Variants in CBFA2T2 observed in about 807,000 individuals in gnomAD.
CBFA2T2 encodes the protein CBFA2/RUNX1 partner transcriptional co-repressor 2.
A neutral mutation model predicts 62.2 loss-of-function variants in CBFA2T2; 11 were observed. The observed-to-expected ratio is 0.18, with a 90% CI of 0.11 to 0.29. The LOEUF (loss-of-function observed/expected upper bound fraction) is 0.29, where lower values mean the gene tolerates loss of function less well. Ranked by LOEUF, CBFA2T2 falls within the 10% of genes least tolerant of loss-of-function variation. The pLI is 1.00. For synonymous variants in CBFA2T2, 295 were observed against 287.5 expected (o/e 1.03, Z -0.27); for missense variants, 592 against 774.1 (o/e 0.76, Z 2.79).
chr20:33,642,729 A>C (rs981971571), intron 10 of CBFA2T2, among the ~76,000 whole-genome samples: 1 of 152,214 alleles, frequency 6.6e-6, no homozygotes, highest in Non-Finnish European at 1.5e-5. Context: ...ATGTATAGCC[A>C]TCCATATCAG....
Position 33,559,669 on chromosome 20 carries a change from G to A in CBFA2T2, c.35-47287G>A, listed in dbSNP as rs757249322. ...ACCCAGCTAATTTTTGTATTTTTTA[G>A]TAGAGGCGGGGTTTCACCGTGTTGG... On this transcript the variant is annotated intron_variant, in intron 1 of 10. Coordinates refer to ENST00000342704, the MANE Select transcript of CBFA2T2 (RefSeq NM_001032999.3). Among the ~76,000 whole-genome samples the A allele has an allele frequency of 4.2e-4, 64 of 152,200 alleles. 2 individuals are homozygous for A. The highest frequency in any genetic ancestry group is 1.0e-4 in the Non-Finnish European group (7 of 68,006).
chr20:33,490,333 G>A (rs750328258), intron 1 of CBFA2T2, 32 bp downstream of exon 1: 1 of 1,276,238 alleles, frequency 7.8e-7, no homozygotes, highest in African/African-American at 1.5e-5. Flanking sequence ...GCGGCCGAGG[G>A]GGGCGTGTGA....
chr20:33,572,195 G>T (rs2013602192), intron 1 of CBFA2T2, among the ~76,000 whole-genome samples: 2 of 152,176 alleles, frequency 1.3e-5, no homozygotes, highest in Admixed American at 1.3e-4. Flanking sequence ...CTGTAAAGAT[G>T]GTGGTAGGGT....
rs778000757 is a variant in CBFA2T2 at position 33,513,365 on chromosome 20, G to GT, written c.34+23075dup. On this transcript the variant is annotated intron_variant, in intron 1 of 10. Transcript: ENST00000342704. The stretch of plus-strand genomic sequence containing the variant: ...AATGGGTTTTTTTGTTTTTTTTTTG[G>GT]TTTTTTTTTTTGAGATAGAGTCTCA... 3.6e-3 allele frequency among the ~76,000 whole-genome samples: 523 copies of GT among 143,416 alleles called. 1 individual carries two copies. Among genetic ancestry groups the GT allele is most frequent in the African/African-American group, 6.6e-3 (260 of 39,298 alleles). 94.1% of individuals were successfully genotyped at this position (143,416 alleles called of 152,430 possible).
At chr20:33,520,975 C>T (rs1189127070) in intron 1 of CBFA2T2, among the ~76,000 whole-genome samples, 2 of 139,436 alleles carry the variant, frequency 1.4e-5, no homozygotes, top group Non-Finnish European at 3.0e-5. Context: ...TGCCATCACA[C>T]ACACACACAC....
intron 1 of CBFA2T2, among the ~76,000 whole-genome samples, chr20:33,599,668 A>G (rs2015037973): frequency 1.3e-5 from 2 of 151,176 alleles, no homozygotes; most frequent in Non-Finnish European, 2.9e-5. Flanking sequence ...GGCTCACCGC[A>G]ACCTCCACCT....
At chr20:33,520,211 A>G (rs1568797385) in intron 1 of CBFA2T2, among the ~76,000 whole-genome samples, 1 of 152,162 alleles carries the variant, frequency 6.6e-6, no homozygotes, top group Non-Finnish European at 1.5e-5. Context: ...GATATAGCAC[A>G]AACTTTGTGA....
chr20:33,610,924 C>T (rs1200162838), intron 2 of CBFA2T2, among the ~76,000 whole-genome samples, 170 bp from the exon 3 acceptor site: 1 of 152,148 alleles, frequency 6.6e-6, no homozygotes, highest in African/African-American at 2.4e-5. Flanking sequence ...ACTCTGTTAC[C>T]ATTTTTATCT....
At chr20:33,620,606 G>A (rs765437065) in intron 4 of CBFA2T2, among the ~76,000 whole-genome samples, 2 of 152,194 alleles carry the variant, frequency 1.3e-5, no homozygotes, top group South Asian at 2.1e-4. Flanking sequence ...TTGGGAGGCC[G>A]AGGCAGGCAG....
intron 1 of CBFA2T2, among the ~76,000 whole-genome samples, chr20:33,495,386 CAAAA>C (rs1214253879): frequency 5.6e-5 from 3 of 53,366 alleles, no homozygotes; most frequent in Non-Finnish European, 3.9e-5. Context: ...AACTCTATCT[CAAAA>C]AAAAAAAAAA....
intron 1 of CBFA2T2, among the ~76,000 whole-genome samples, chr20:33,514,971 C>T (rs1394808944): frequency 6.6e-6 from 1 of 151,696 alleles, no homozygotes; most frequent in Non-Finnish European, 1.5e-5. Flanking sequence ...GGATTACAGG[C>T]GTGAGCCACT....
chr20:33,517,448 T>G (rs910010277), intron 1 of CBFA2T2, among the ~76,000 whole-genome samples: 1 of 147,008 alleles, frequency 6.8e-6, no homozygotes, highest in Non-Finnish European at 1.5e-5. Flanking sequence ...TTGGTTTTTT[T>G]GGTGTTTTTT....
chr20:33,513,895 T>A (rs2011552790), intron 1 of CBFA2T2, among the ~76,000 whole-genome samples: 1 of 151,204 alleles, frequency 6.6e-6, no homozygotes, highest in Non-Finnish European at 1.5e-5. Flanking sequence ...TTTTTTGTTT[T>A]GTGTTTTTTT....
chr20:33,557,004 C>CTTTTTTTTTTTTTTTT lies in CBFA2T2; in HGVS notation c.35-49939_35-49924dup, dbSNP rs751836572. ...CTTGCCCAAGGTGTTGCATGCTTAT[C>CTTTTTTTTTTTTTTTT]TTTTTTTTTTTTTTTTTTTTTTTTT... is the stretch of plus-strand genomic sequence containing the variant. On this transcript the variant is annotated intron_variant, in intron 1 of 10. Coordinates refer to ENST00000342704, the MANE Select transcript of CBFA2T2 (RefSeq NM_001032999.3). Among the ~76,000 whole-genome samples the CTTTTTTTTTTTTTTTT allele has an allele frequency of 1.1e-4, 5 of 46,200 alleles. 1 individual carries two copies. Among genetic ancestry groups the CTTTTTTTTTTTTTTTT allele is most frequent in the African/African-American group, 4.7e-4 (5 of 10,646 alleles). 30.3% of individuals were successfully genotyped at this position (46,200 alleles called of 152,430 possible).
At chr20:33,517,474 G>C (rs2011622467) in intron 1 of CBFA2T2, among the ~76,000 whole-genome samples, 1 of 142,074 alleles carries the variant, frequency 7.0e-6, no homozygotes, top group Non-Finnish European at 1.5e-5. Context: ...TTTTGAGACA[G>C]AGTCTCGCTC....
Position 33,490,196 on chromosome 20 carries a change from G to T in CBFA2T2, c.-72G>T. The T allele has an allele frequency of 1.7e-6, 2 of 1,205,560 alleles. No homozygotes were observed. The allele number at this position is 1,205,560 out of a possible 1,614,324, so 74.7% of individuals were successfully genotyped here. On this transcript the variant is annotated 5_prime_UTR_variant, in exon 1 of 11. Coordinates refer to ENST00000342704, the MANE Select transcript of CBFA2T2 (RefSeq NM_001032999.3). ...CTGCGAGGGACCCGGGCCGCGGGTC[G>T]AGGCGGGCGGCGCCTGCGAGGGACC...
Position 33,629,702 on chromosome 20 carries a change from C to A in CBFA2T2, c.1033-17C>A, listed in dbSNP as rs1278785086. The A allele has an allele frequency of 1.2e-6, 2 of 1,605,212 alleles. No homozygotes were observed. Among genetic ancestry groups the A allele is most frequent in the South Asian group, 1.1e-5 (1 of 89,976 alleles). Reference sequence around the variant, plus strand: ...ATGTTCTTATCTCATCTCTGCCTGGCCCCCTCTGTGACTCAGGCGCTGAAT... The same window carrying A: ...ATGTTCTTATCTCATCTCTGCCTGGACCCCTCTGTGACTCAGGCGCTGAAT... On this transcript the variant is annotated splice_polypyrimidine_tract_variant and intron_variant, in intron 7 of 10. Coordinates refer to ENST00000342704, the MANE Select transcript of CBFA2T2 (RefSeq NM_001032999.3).
chr20:33,583,938 G>A (rs2014239625), intron 1 of CBFA2T2, among the ~76,000 whole-genome samples: 1 of 151,770 alleles, frequency 6.6e-6, no homozygotes, highest in South Asian at 2.1e-4. Flanking sequence ...TTATTTGTTT[G>A]TTTGTTTGTT....
Position 33,638,115 on chromosome 20 carries a change from C to T in CBFA2T2, c.1297+1407C>T, listed in dbSNP as rs60231266. Among the ~76,000 whole-genome samples the T allele has an allele frequency of 5.6e-3, 851 of 151,708 alleles. 6 individuals carry two copies. The highest frequency in any genetic ancestry group is 0.019 in the African/African-American group (799 of 41,348). On this transcript the variant is annotated intron_variant, in intron 9 of 10. Transcript: ENST00000342704. The stretch of plus-strand genomic sequence containing the variant: ...TTAGCCTTCCAAGTACCTGGGATTA[C>T]AGGCACCCCCGACCATGCCCGGCTA...
Sources: gnomAD v4.1 joint callset for allele counts (sites outside exome capture counted in the v4.1 genomes callset) on GRCh38, gnomAD v4.1.1 for gene constraint, MANE v1.5 for transcripts, NCBI Gene and HGNC (gene_info 2026-07-23, HGNC 2026-07-21) for gene names.